CTNNA2: variants seen among roughly 807,000 people sequenced by gnomAD.
The protein encoded by CTNNA2 is catenin alpha-2.
A neutral mutation model predicts 101.0 loss-of-function variants in CTNNA2; 42 were observed. The observed-to-expected ratio is 0.42, with a 90% confidence interval of 0.32 to 0.54. CTNNA2 has a LOEUF of 0.54. Among genes scored for constraint, CTNNA2 ranks in the 20% least tolerant of loss-of-function variants. The probability of loss-of-function intolerance (pLI) is 0.14; values close to 1 mark genes in which losing one functional copy is unlikely to be tolerated. For missense variants in CTNNA2, 871 were observed against 1,223.1 expected, an observed-to-expected ratio of 0.71 and a Z score of 4.29; for synonymous variants, 450 against 456.4, an observed-to-expected ratio of 0.99 and a Z score of 0.18.
At chr2:79,456,239 A>G (rs1670818971) in intron 4 of CTNNA2, among the ~76,000 whole-genome samples, 1 of 151,640 alleles carries the variant, frequency 6.6e-6, no homozygotes, top group South Asian at 2.1e-4. Context: ...GACAAGTTAG[A>G]CCTAGAAATA....
At chr2:79,843,005 T>G (rs958515088) in intron 3 of CTNNA2, among the ~76,000 whole-genome samples, 2 of 152,220 alleles carry the variant, frequency 1.3e-5, no homozygotes, top group African/African-American at 4.8e-5. Context: ...ATGCTGCCAT[T>G]TTTAGATATA....
intron 3 of CTNNA2, among the ~76,000 whole-genome samples, chr2:79,837,060 A>G (rs962711834): frequency 1.3e-5 from 2 of 152,212 alleles, no homozygotes; most frequent in Non-Finnish European, 2.9e-5. Context: ...AGGGAGATAC[A>G]ATTAAACCCA....
chr2:80,647,977 T>TACGA lies in CTNNA2; in HGVS notation c.*105_*106insACGA. ...CCTGCCAGCTCGTATGCCTCTGGCA[T>TACGA]GGGGAAATTAAGGGAACAGTGTCTG... On this transcript the variant is annotated 3_prime_UTR_variant, in exon 19 of 19. Coordinates refer to ENST00000402739, the MANE Select transcript of CTNNA2 (RefSeq NM_001282597.3). 2 of 1,098,042 alleles carry TACGA rather than the reference T, an allele frequency of 1.8e-6. No individual in the cohort carries two copies. The highest frequency in any genetic ancestry group is 2.6e-6 in the Non-Finnish European group (2 of 777,342). 68.0% of individuals were successfully genotyped at this position (1,098,042 alleles called of 1,614,324 possible). A position where few individuals can be genotyped will look rare whatever the true frequency, so the allele number is the denominator to read the frequency against.
intron 15 of CTNNA2, chr2:80,601,634 A>G (rs1697548376): frequency 6.6e-6 from 1 of 151,592 alleles, no homozygotes; most frequent in Admixed American, 6.6e-5. Flanking sequence ...TTGCTGTCTT[A>G]TCTTTTTTAC....
chr2:79,900,746 A>C (rs1053836817), intron 6 of CTNNA2, among the ~76,000 whole-genome samples: 2 of 152,216 alleles, frequency 1.3e-5, no homozygotes, highest in Non-Finnish European at 2.9e-5. Context: ...TTAAAAGGTA[A>C]ATAGAAGAGC....
At chr2:80,615,753 T>C (rs1698799833) in intron 17 of CTNNA2, among the ~76,000 whole-genome samples, 1 of 151,694 alleles carries the variant, frequency 6.6e-6, no homozygotes, top group Non-Finnish European at 1.5e-5. Context: ...AAATCATTTA[T>C]AAAATATGAC....
intron 9 of CTNNA2, among the ~76,000 whole-genome samples, chr2:80,486,349 T>C (rs1386537839): frequency 2.0e-5 from 3 of 152,176 alleles, no homozygotes; most frequent in Non-Finnish European, 4.4e-5. Flanking sequence ...TCAAATCTTG[T>C]TTTGTTTCAC....
intron 7 of CTNNA2, among the ~76,000 whole-genome samples, chr2:80,187,830 A>G (rs1706229972): frequency 6.6e-6 from 1 of 152,196 alleles, no homozygotes; most frequent in Non-Finnish European, 1.5e-5. Flanking sequence ...AAAAAAAAAA[A>G]AATGCTTTTT....
In CTNNA2 at chr2:80,541,786, G is replaced by C. The variant is rs113165809; in HGVS notation, c.1291-3196G>C. Among the ~76,000 whole-genome samples, 14 of 151,750 alleles carry C rather than the reference G, an allele frequency of 9.2e-5. 1 individual carries two copies. The highest frequency in any genetic ancestry group is 3.1e-4 in the African/African-American group (13 of 41,336). On this transcript the variant is annotated intron_variant, in intron 9 of 18. Transcript: ENST00000402739. The stretch of plus-strand genomic sequence containing the variant: ...AAGTCTCAACTCCAAACCACACTCA[G>C]GTTTCCCTAGCTTACACTGTGCTCC...
At chr2:79,790,730 A>G (rs554220250) in intron 3 of CTNNA2, among the ~76,000 whole-genome samples, 7 of 152,262 alleles carry the variant, frequency 4.6e-5, no homozygotes, top group African/African-American at 1.7e-4. Flanking sequence ...ATTTTCTTCA[A>G]CTTCCAGTTT....
intron 1 of CTNNA2, among the ~76,000 whole-genome samples, chr2:79,568,022 C>A (rs1368803544): frequency 1.3e-5 from 2 of 152,084 alleles, no homozygotes; most frequent in Non-Finnish European, 2.9e-5. Flanking sequence ...TTGTTTAATT[C>A]ATCATGTAAC....
chr2:79,331,391 T>C (rs1439308892), intron 3 of CTNNA2, among the ~76,000 whole-genome samples: 1 of 152,170 alleles, frequency 6.6e-6, no homozygotes, highest in Admixed American at 6.5e-5. Flanking sequence ...CTCCCTTCAC[T>C]TCAGTCAGAT....
intron 4 of CTNNA2, among the ~76,000 whole-genome samples, chr2:79,501,640 A>G (rs1043976030): frequency 2.6e-5 from 4 of 152,224 alleles, no homozygotes; most frequent in African/African-American, 9.6e-5. Context: ...TCAGGGAACC[A>G]GGGAAATTTC....
intron 7 of CTNNA2, among the ~76,000 whole-genome samples, chr2:79,996,903 G>T (rs186684881): frequency 6.6e-6 from 1 of 152,216 alleles, no homozygotes; most frequent in East Asian, 1.9e-4. Context: ...CTCAGTTGGG[G>T]GAGAGTCGTG....
chr2:79,497,804 T>G (rs1346554684), intron 4 of CTNNA2, among the ~76,000 whole-genome samples: 2 of 152,246 alleles, frequency 1.3e-5, no homozygotes, highest in African/African-American at 4.8e-5. Flanking sequence ...CCTATCTGCA[T>G]TTGTATATCA....
chr2:80,009,768 G>T (rs1202347855), intron 7 of CTNNA2, among the ~76,000 whole-genome samples: 1 of 148,106 alleles, frequency 6.8e-6, no homozygotes, highest in African/African-American at 2.5e-5. Flanking sequence ...GAGAGACAGA[G>T]AGAGACAGAG....
intron 1 of CTNNA2, among the ~76,000 whole-genome samples, chr2:79,649,596 A>C (rs988333233): frequency 2.0e-5 from 3 of 152,220 alleles, no homozygotes; most frequent in Non-Finnish European, 2.9e-5. Context: ...CCAGCGGCAG[A>C]ATTCTGTATA....
intron 1 of CTNNA2, among the ~76,000 whole-genome samples, chr2:79,586,013 G>A (rs1156424883): frequency 1.3e-5 from 2 of 152,074 alleles, no homozygotes; most frequent in African/African-American, 2.4e-5. Context: ...TGAGTTTAAG[G>A]GCATTTGTGA....
intron 15 of CTNNA2, among the ~76,000 whole-genome samples, chr2:80,599,468 C>T (rs1004594690): frequency 2.0e-5 from 3 of 152,130 alleles, no homozygotes; most frequent in Non-Finnish European, 2.9e-5. Context: ...CTTCAGCTAC[C>T]AGTAAGGGCA....
Sources: gnomAD v4.1 joint callset for allele counts (sites outside exome capture counted in the v4.1 genomes callset) on GRCh38, gnomAD v4.1.1 for gene constraint, MANE v1.5 for transcripts, NCBI Gene and HGNC (gene_info 2026-07-23, HGNC 2026-07-21) for gene names.